The following TMEM38A variants were observed in gnomAD, a reference collection of about 807,000 sequenced individuals.
TMEM38A encodes the protein transmembrane protein 38A.
Under a neutral mutation model 28.6 loss-of-function variants are expected in TMEM38A, and 17 were observed. The observed-to-expected ratio is 0.60, with a 90% CI of 0.41 to 0.89. The LOEUF is 0.89. Among genes scored for constraint, TMEM38A ranks in the 40% least tolerant of loss-of-function variants. The probability of loss-of-function intolerance (pLI) is 0.00; values close to 1 mark genes in which losing one functional copy is unlikely to be tolerated. For missense variants in TMEM38A, 328 were observed against 393.1 expected (o/e 0.83, Z 1.40); for synonymous variants, 169 against 166.1 (o/e 1.02, Z -0.14).
At chr19:16,666,562 C>A (rs79684483) in intron 1 of TMEM38A, among the ~76,000 whole-genome samples, 15,146 of 152,010 alleles carry the variant, frequency 0.1, 1,305 homozygotes, top group African/African-American at 0.23. Context: ...CCATGAGCAA[C>A]TGTGCCTGGC....
intron 1 of TMEM38A, among the ~76,000 whole-genome samples, chr19:16,667,362 G>A (rs886442974): frequency 6.6e-6 from 1 of 152,114 alleles, no homozygotes; most frequent in Non-Finnish European, 1.5e-5. Context: ...CAAAATCTGC[G>A]GGTGATTTGG....
In TMEM38A at chr19:16,680,492, G is replaced by T. The variant is rs762560292; in HGVS notation, c.377G>T (p.Arg126Leu). 2 of 1,614,150 alleles carry T rather than the reference G, an allele frequency of 1.2e-6. No homozygotes were observed. The highest frequency in any genetic ancestry group is 2.2e-5 in the East Asian group (1 of 44,884). The change falls in exon 3 of 6, where the codon CGA (arginine) becomes CTA (leucine). Residue 126 changes from arginine (R) to leucine (L), a missense_variant. Transcript: ENST00000187762. ...LIFVAMKEVV[R>L]VRKIAVGIHH... ...TTCGTGGCCATGAAGGAGGTGGTGC[G>T]AGTCCGCAAGATCGCGGTGGGCATC... is the stretch of plus-strand genomic sequence containing the variant.
chr19:16,663,510 G>A (rs949344336), intron 1 of TMEM38A, among the ~76,000 whole-genome samples: 1 of 151,590 alleles, frequency 6.6e-6, no homozygotes, highest in African/African-American at 2.4e-5. Context: ...TTCATGAGAC[G>A]CTCCTGGGAG....
intron 1 of TMEM38A, among the ~76,000 whole-genome samples, chr19:16,664,626 G>A (rs2086695620): frequency 6.6e-6 from 1 of 151,940 alleles, no homozygotes; most frequent in African/African-American, 2.4e-5. Context: ...ATGGTGGTGT[G>A]TGTCTGTGGT....
At chr19:16,674,975 G>A (rs539651491) in intron 1 of TMEM38A, among the ~76,000 whole-genome samples, 12 of 152,290 alleles carry the variant, frequency 7.9e-5, no homozygotes, top group East Asian at 3.9e-4. Context: ...AAATCCACCC[G>A]TTGAATGTAT....
chr19:16,688,137 A>AC lies in TMEM38A; in HGVS notation c.673-5dup. ...CTCTTGCTGTCTCCCTGGCCACCCC[A>AC]CCTCAGGTGTTTCTGACAGCCACCC... On this transcript the variant is annotated splice_polypyrimidine_tract_variant and splice_region_variant and intron_variant, in intron 5 of 5. Coordinates refer to ENST00000187762, the MANE Select transcript of TMEM38A (RefSeq NM_024074.4). 7.0e-7 allele frequency: 1 copy of AC among 1,425,152 alleles called. No individual in the cohort carries two copies. The highest frequency in any genetic ancestry group is 9.3e-7 in the Non-Finnish European group (1 of 1,080,618). The allele number at this position is 1,425,152 out of a possible 1,614,324, so 88.3% of individuals were successfully genotyped here.
At chr19:16,664,000 A>G (rs1346391697) in intron 1 of TMEM38A, among the ~76,000 whole-genome samples, 1 of 152,164 alleles carries the variant, frequency 6.6e-6, no homozygotes, top group East Asian at 1.9e-4. Flanking sequence ...TGGCTAAGCT[A>G]TCTTAAATAC....
chr19:16,674,001 G>T (rs961934282), intron 1 of TMEM38A, among the ~76,000 whole-genome samples: 1 of 151,976 alleles, frequency 6.6e-6, no homozygotes, highest in African/African-American at 2.4e-5. Context: ...TACTTGGAAG[G>T]CTCAAGCCCA....
Position 16,661,707 on chromosome 19 carries a change from C to T in TMEM38A, c.124+366C>T, listed in dbSNP as rs1193473132. ...GGGGTCGGTGCATCTGTTCTGGCCG[C>T]GCGCAGGTGTGACCTCCCTCCTTGA... On this transcript the variant is annotated intron_variant, in intron 1 of 5. Transcript: ENST00000187762. The surrounding 1 kb of genome is among the most constrained non-coding windows in gnomAD (Gnocchi z 6.5). 6.6e-6 allele frequency among the ~76,000 whole-genome samples: 1 copy of T among 151,968 alleles called. No individual in the cohort carries two copies. Among genetic ancestry groups the T allele is most frequent in the Non-Finnish European group, 1.5e-5 (1 of 67,982 alleles).
intron 4 of TMEM38A, among the ~76,000 whole-genome samples, chr19:16,683,278 T>TA (rs2086788947): frequency 6.6e-6 from 1 of 152,076 alleles, no homozygotes; most frequent in Admixed American, 6.6e-5. Context: ...CCTGGACAGT[T>TA]TAGTGCATTT....
Position 16,688,416 on chromosome 19 carries a change from C to A in TMEM38A, c.*45C>A. 2 of 1,429,662 alleles carry A rather than the reference C, an allele frequency of 1.4e-6. No individual in the cohort carries two copies. The highest frequency in any genetic ancestry group is 1.8e-6 in the Non-Finnish European group (2 of 1,083,670). The allele number at this position is 1,429,662 out of a possible 1,614,324, so 88.6% of individuals were successfully genotyped here. On this transcript the variant is annotated 3_prime_UTR_variant, in exon 6 of 6. Coordinates refer to ENST00000187762, the MANE Select transcript of TMEM38A (RefSeq NM_024074.4). ...CGGGGAGAGGACCCGGACCCAGGAC[C>A]CTCTGAGCTGGGAGGCTTCCTGCGC...
At chr19:16,673,979 T>C (rs1300827722) in intron 1 of TMEM38A, among the ~76,000 whole-genome samples, 2 of 151,998 alleles carry the variant, frequency 1.3e-5, no homozygotes, top group South Asian at 2.1e-4. Context: ...GGCACACGTC[T>C]GTACTCCTAG....
At position 16,680,444 on chromosome 19, in the gene TMEM38A, G is replaced by A. The variant is rs757068557; in HGVS notation, c.329G>A (p.Cys110Tyr). The stretch of plus-strand genomic sequence containing the variant: ...CTGGACCTCTTCTACAAGTGTGTCT[G>A]CTTCCTGCCTGTGAAACTCATCTTC... ...CPLDLFYKCV[C>Y]FLPVKLIFVA... Residue 110 changes from cysteine to tyrosine, a missense_variant, in exon 3 of 6, where the codon TGC (cysteine) becomes TAC (tyrosine). Transcript: ENST00000187762. 1.9e-6 allele frequency: 3 copies of A among 1,614,138 alleles called. No individual in the cohort carries two copies. The highest frequency in any genetic ancestry group is 2.5e-6 in the Non-Finnish European group (3 of 1,180,036).
chr19:16,688,348 A>C lies in TMEM38A; in HGVS notation c.877A>C (p.Lys293Gln), dbSNP rs1302323429. ...KEELSEGSRK[K>Q]KAKKAD ...GGAGTTGAGCGAGGGCTCCAGGAAG[A>C]AGAAGGCCAAGAAGGCGGATTAGGG... Residue 293 changes from lysine to glutamine, a missense_variant, in exon 6 of 6, where the codon AAG (lysine) becomes CAG (glutamine). Coordinates refer to ENST00000187762, the MANE Select transcript of TMEM38A (RefSeq NM_024074.4). 1 of 1,591,670 alleles carries C rather than the reference A, an allele frequency of 6.3e-7. No homozygotes were observed. The highest frequency in any genetic ancestry group is 8.5e-7 in the Non-Finnish European group (1 of 1,170,932).
Position 16,679,182 on chromosome 19 carries a change from A to AAAAAG in TMEM38A, c.125-800_125-799insAAGAA, listed in dbSNP as rs371874925. 1.3e-3 allele frequency among the ~76,000 whole-genome samples: 178 copies of AAAAAG among 139,900 alleles called. 6 individuals carry two copies. Among genetic ancestry groups the AAAAAG allele is most frequent in the African/African-American group, 4.6e-3 (166 of 36,150 alleles). The allele number at this position is 139,900 out of a possible 152,430, so 91.8% of individuals were successfully genotyped here. A position where few individuals can be genotyped will look rare whatever the true frequency, so the allele number is the denominator to read the frequency against. On this transcript the variant is annotated intron_variant, in intron 1 of 5. Transcript: ENST00000187762. The stretch of plus-strand genomic sequence containing the variant: ...AAAAAAAGTTAAAAAAAAAAAAAAA[A>AAAAAG]AAGAATACCAGCATAAGCTCATAGG...
intron 1 of TMEM38A, among the ~76,000 whole-genome samples, chr19:16,665,487 C>T (rs1020335489): frequency 6.8e-6 from 1 of 146,696 alleles, no homozygotes; most frequent in African/African-American, 2.6e-5. Flanking sequence ...GAGACCCTGT[C>T]TCAAAAAAAA....
chr19:16,674,367 G>A (rs1424212833), intron 1 of TMEM38A, among the ~76,000 whole-genome samples: 8 of 139,468 alleles, frequency 5.7e-5, no homozygotes, highest in African/African-American at 1.1e-4. Flanking sequence ...CAGCCTGGGC[G>A]ACAGAGCAAA....
intron 1 of TMEM38A, among the ~76,000 whole-genome samples, chr19:16,667,720 A>G (rs1304183554): frequency 2.6e-5 from 4 of 152,032 alleles, no homozygotes; most frequent in Non-Finnish European, 5.9e-5. Flanking sequence ...TTAGCCACGC[A>G]TGGTGGTGTG....
At chr19:16,681,474 C>A (rs1404560872) in intron 3 of TMEM38A, among the ~76,000 whole-genome samples, 1 of 151,934 alleles carries the variant, frequency 6.6e-6, no homozygotes, top group African/African-American at 2.4e-5. Context: ...AGAGATAATT[C>A]AACATTAAAA....
Sources: allele counts gnomAD v4.1 joint callset (sites outside exome capture counted in the v4.1 genomes callset), GRCh38; gene constraint gnomAD v4.1.1; non-coding constraint Gnocchi (gnomAD v3.1); transcripts MANE v1.5; gene names NCBI Gene and HGNC (gene_info 2026-07-23, HGNC 2026-07-21).